Variants in PDE4B observed in about 807,000 individuals in gnomAD.
PDE4B encodes the protein phosphodiesterase 4B, also known as 3',5'-cyclic-AMP phosphodiesterase 4B.
In PDE4B, 20 loss-of-function variants were observed where a neutral mutation model predicts 82.2. The observed-to-expected ratio is 0.24, with a 90% CI of 0.17 to 0.35. The LOEUF is 0.35. Among genes scored for constraint, PDE4B ranks in the 10% least tolerant of loss-of-function variants. The pLI, the probability that PDE4B is intolerant of heterozygous loss-of-function variation, is 1.00. For synonymous variants in PDE4B, 320 were observed against 318.9 expected, an observed-to-expected ratio of 1.00 and a Z score of -0.04; for missense variants, 655 against 907.2, an observed-to-expected ratio of 0.72 and a Z score of 3.57.
At chr1:66,028,532 C>G (rs1292716248) in intron 3 of PDE4B, among the ~76,000 whole-genome samples, 1 of 152,160 alleles carries the variant, frequency 6.6e-6, no homozygotes, top group Non-Finnish European at 1.5e-5. Flanking sequence ...AATTTCTCCC[C>G]AGAAAATGGG....
chr1:66,327,084 C>T (rs1258903025), intron 7 of PDE4B, among the ~76,000 whole-genome samples: 1 of 152,148 alleles, frequency 6.6e-6, no homozygotes, highest in Non-Finnish European at 1.5e-5. Context: ...CTATGAGCAA[C>T]TAGCTATTTG....
chr1:66,157,900 T>G (rs1246097621), intron 3 of PDE4B, among the ~76,000 whole-genome samples: 1 of 152,194 alleles, frequency 6.6e-6, no homozygotes. Context: ...TCTTTTCATA[T>G]TTTTTGATAT....
At chr1:65,954,940 C>A (rs1366824405) in intron 3 of PDE4B, among the ~76,000 whole-genome samples, 2 of 151,754 alleles carry the variant, frequency 1.3e-5, no homozygotes, top group Non-Finnish European at 2.9e-5. Context: ...AATGAAGTAG[C>A]CAAACCTAGA....
intron 3 of PDE4B, among the ~76,000 whole-genome samples, chr1:66,092,687 A>G (rs1645047883): frequency 6.6e-6 from 1 of 152,084 alleles, no homozygotes; most frequent in African/African-American, 2.4e-5. Context: ...CTGGGGGTAG[A>G]GTGTCCAGGG....
At chr1:66,255,068 T>C (rs1479057260) in intron 4 of PDE4B, among the ~76,000 whole-genome samples, 1 of 151,962 alleles carries the variant, frequency 6.6e-6, no homozygotes, top group African/African-American at 2.4e-5. Flanking sequence ...TCTTTTCTTT[T>C]TTTCTCTTTC....
chr1:66,271,947 C>T (rs927288504), intron 7 of PDE4B, among the ~76,000 whole-genome samples: 4 of 152,220 alleles, frequency 2.6e-5, no homozygotes, highest in East Asian at 1.9e-4. Context: ...CGTGGCATGT[C>T]GCTGCATCCC....
At position 66,131,721 on chromosome 1, in the gene PDE4B, C is replaced by T. The variant is rs74843909; in HGVS notation, c.282-115739C>T. ...TTAATTCAATCAACAATATTTATTGCGAACCTACTATGTACCAGACAGTGT... is the reference window on the plus strand; with the variant it reads ...TTAATTCAATCAACAATATTTATTGTGAACCTACTATGTACCAGACAGTGT... On this transcript the variant is annotated intron_variant, in intron 3 of 16. Transcript: ENST00000341517. Among the ~76,000 whole-genome samples the T allele has an allele frequency of 2.3e-3, 337 of 146,880 alleles. 2 individuals carry two copies. The highest frequency in any genetic ancestry group is 7.7e-3 in the African/African-American group (310 of 40,122).
At chr1:66,027,107 T>C (rs937606) in intron 3 of PDE4B, among the ~76,000 whole-genome samples, 6,244 of 152,276 alleles carry the variant, frequency 0.041, 532 homozygotes, top group East Asian at 0.38. Flanking sequence ...AATCTAAAAA[T>C]ATGTGTATTA....
intron 3 of PDE4B, among the ~76,000 whole-genome samples, chr1:65,956,632 G>A (rs780274517): frequency 5.9e-5 from 9 of 152,192 alleles, no homozygotes; most frequent in East Asian, 1.9e-4. Flanking sequence ...GTAAATGTTC[G>A]CGAAATACGT....
chr1:66,244,824 G>A (rs970451237), intron 3 of PDE4B, among the ~76,000 whole-genome samples: 2 of 152,192 alleles, frequency 1.3e-5, no homozygotes, highest in Non-Finnish European at 2.9e-5. Flanking sequence ...AAGCAAACAG[G>A]GGCATCATGG....
At chr1:66,291,532 A>G (rs1436020479) in intron 7 of PDE4B, among the ~76,000 whole-genome samples, 1 of 152,182 alleles carries the variant, frequency 6.6e-6, no homozygotes, top group African/African-American at 2.4e-5. Flanking sequence ...TCTCAAAATG[A>G]GACACTAATT....
At chr1:66,226,820 C>T (rs1004283116) in intron 3 of PDE4B, among the ~76,000 whole-genome samples, 1 of 152,004 alleles carries the variant, frequency 6.6e-6, no homozygotes, top group Non-Finnish European at 1.5e-5. Context: ...ACTCTGATTA[C>T]TGTGGGTAAA....
rs1645593151 is a variant in PDE4B, at chr1:65,793,218, A to T, written c.-101A>T. 1 of 152,328 alleles carries T rather than the reference A, an allele frequency of 6.6e-6. No homozygotes were observed. The highest frequency in any genetic ancestry group is 6.5e-5 in the Admixed American group (1 of 15,286). 9.4% of individuals were successfully genotyped at this position (152,328 alleles called of 1,614,324 possible). ...GTGCAGCAGAGGCGCCTCGGGCAGG[A>T]GGAGGGCGGCTTCTGCGAGGGCAGC... is the stretch of plus-strand genomic sequence containing the variant. On this transcript the variant is annotated 5_prime_UTR_variant, in exon 1 of 17. Transcript: ENST00000341517.
intron 3 of PDE4B, among the ~76,000 whole-genome samples, chr1:65,988,280 C>T (rs1215099634): frequency 6.6e-6 from 1 of 152,178 alleles, no homozygotes; most frequent in Non-Finnish European, 1.5e-5. Context: ...TGAATATTAT[C>T]TTCTTTTCAA....
intron 3 of PDE4B, among the ~76,000 whole-genome samples, chr1:65,997,893 A>G (rs1317442720): frequency 6.6e-6 from 1 of 152,206 alleles, no homozygotes; most frequent in Non-Finnish European, 1.5e-5. Flanking sequence ...AATAACTACC[A>G]CTAGAGAGTG....
chr1:66,297,097 A>G (rs1285096798), intron 7 of PDE4B, among the ~76,000 whole-genome samples: 7 of 151,886 alleles, frequency 4.6e-5, no homozygotes, highest in East Asian at 3.9e-4. Context: ...TCTCTTAGCC[A>G]TATCACCATT....
At chr1:66,371,584 G>A (rs1242574493) in intron 16 of PDE4B, among the ~76,000 whole-genome samples, 2 of 152,140 alleles carry the variant, frequency 1.3e-5, no homozygotes, top group Non-Finnish European at 2.9e-5. Flanking sequence ...TCTTTCACCT[G>A]TTGGAAATGA....
chr1:66,120,075 C>T (rs962749423), intron 3 of PDE4B, among the ~76,000 whole-genome samples: 1 of 152,162 alleles, frequency 6.6e-6, no homozygotes, highest in East Asian at 1.9e-4. Flanking sequence ...GTTTAAGCTA[C>T]TCAGTTTGTA....
chr1:65,796,522 A>G (rs1378528837), intron 1 of PDE4B, among the ~76,000 whole-genome samples: 2 of 145,732 alleles, frequency 1.4e-5, no homozygotes, highest in African/African-American at 5.1e-5. Context: ...CTAGTATTTT[A>G]TTTTGATTAC....
Sources: allele counts gnomAD v4.1 joint callset (sites outside exome capture counted in the v4.1 genomes callset), GRCh38; gene constraint gnomAD v4.1.1; transcripts MANE v1.5; gene names NCBI Gene and HGNC (gene_info 2026-07-23, HGNC 2026-07-21).